The following RIN3 variants were observed in gnomAD, a reference collection of about 807,000 sequenced individuals.
RIN3 encodes Ras and Rab interactor 3, also known as RAB5 interacting protein 3.
Under a neutral mutation model 76.3 loss-of-function variants are expected in RIN3, and 54 were observed. That is an observed-to-expected ratio of 0.71 (90% CI 0.57 to 0.89). RIN3 has a LOEUF of 0.89. Ranked by LOEUF, RIN3 falls within the 40% of genes least tolerant of loss-of-function variation. The probability of loss-of-function intolerance (pLI) is 0.00; values close to 1 mark genes in which losing one functional copy is unlikely to be tolerated. For synonymous variants in RIN3, 576 were observed against 564.0 expected, an observed-to-expected ratio of 1.02 and a Z score of -0.30; for missense variants, 1,256 against 1,322.1, an observed-to-expected ratio of 0.95 and a Z score of 0.78.
chr14:92,638,532 A>C (rs901135090), intron 4 of RIN3, among the ~76,000 whole-genome samples: 25 of 152,196 alleles, frequency 1.6e-4, no homozygotes, highest in Admixed American at 1.3e-4. Flanking sequence ...GTGGGCACAG[A>C]TGAGCTGAGC....
At chr14:92,657,482 T>A (rs1887714518) in intron 6 of RIN3, among the ~76,000 whole-genome samples, 1 of 152,156 alleles carries the variant, frequency 6.6e-6, no homozygotes, top group Admixed American at 6.5e-5. Context: ...GTGAGGCTGC[T>A]GAGGGCCCCA....
In RIN3 at chr14:92,651,726, C is replaced by T. The variant is rs201944996; in HGVS notation, c.677C>T (p.Ser226Leu). The change falls in exon 6 of 10, where the codon TCG becomes TTG. Residue 226 changes from serine to leucine, a missense_variant. Around this residue, in one of 3 missense-constraint regions of RIN3, gnomAD observed 610 missense variants for 626.4 expected, o/e 0.97. Coordinates refer to ENST00000216487, the MANE Select transcript of RIN3 (RefSeq NM_024832.5). ...DANCACEIEL[S>L]VGNDRLWFVN... Reference sequence around the variant, plus strand: ...AACTGTGCCTGTGAAATCGAGCTGTCGGTAGGAAATGACCGCCTGTGGTTT... The same window carrying T: ...AACTGTGCCTGTGAAATCGAGCTGTTGGTAGGAAATGACCGCCTGTGGTTT... 3.5e-5 allele frequency: 56 copies of T among 1,613,990 alleles called. No homozygotes were observed. The highest frequency in any genetic ancestry group is 4.1e-5 in the Non-Finnish European group (48 of 1,180,016).
intron 9 of RIN3, 27 bp from the exon 10 acceptor site, chr14:92,687,899 G>T (rs766744519): frequency 3.3e-6 from 5 of 1,515,720 alleles, no homozygotes; most frequent in Non-Finnish European, 4.4e-6. Context: ...GCCCCGCCGT[G>T]ACCACAGGCC....
rs574142327 is a variant in RIN3 at position 92,599,287 on chromosome 14, A to C, written c.368-16120A>C. On this transcript the variant is annotated intron_variant, in intron 3 of 9. Transcript: ENST00000216487. The stretch of plus-strand genomic sequence containing the variant: ...AGTTCAGGGGAGGTTGCCGAGGATG[A>C]AGACCAGAGGAAGCTCCATGGCAGC... Among the ~76,000 whole-genome samples the C allele has an allele frequency of 6.2e-4, 95 of 152,248 alleles. 1 individual carries two copies. The highest frequency in any genetic ancestry group is 1.3e-3 in the Non-Finnish European group (88 of 68,008).
intron 7 of RIN3, among the ~76,000 whole-genome samples, chr14:92,674,093 C>G (rs1888379497): frequency 6.6e-6 from 1 of 152,212 alleles, no homozygotes; most frequent in African/African-American, 2.4e-5. Flanking sequence ...TGCTATGGCT[C>G]TGACCACCTG....
rs145732969 is a variant in RIN3, at chr14:92,584,019, G to A, written c.367+6542G>A. Among the ~76,000 whole-genome samples, 844 of 152,278 alleles carry A rather than the reference G, an allele frequency of 5.5e-3. 7 individuals are homozygous for A. The highest frequency in any genetic ancestry group is 0.017 in the African/African-American group (716 of 41,546). Reference sequence around the variant, plus strand: ...ATGCTTACCCCCTGCTGTGCGCCCCGGTTCCTACCAGTTCCCTGGCCCAGG... The same window carrying A: ...ATGCTTACCCCCTGCTGTGCGCCCCAGTTCCTACCAGTTCCCTGGCCCAGG... On this transcript the variant is annotated intron_variant, in intron 3 of 9. Transcript: ENST00000216487.
intron 1 of RIN3, chr14:92,515,021 G>T (rs1284777713): frequency 8.4e-6 from 4 of 476,006 alleles, no homozygotes; most frequent in African/African-American, 6.0e-5. Context: ...AAACAGGAGA[G>T]TTGGGCCCAT....
chr14:92,524,126 C>A (rs1896665811), intron 1 of RIN3, among the ~76,000 whole-genome samples: 1 of 152,144 alleles, frequency 6.6e-6, no homozygotes, highest in South Asian at 2.1e-4. Flanking sequence ...CCCTGGAGTT[C>A]AAGGTTACAG....
chr14:92,643,157 G>A lies in RIN3; in HGVS notation c.532+1828G>A, dbSNP rs946411715. Among the ~76,000 whole-genome samples the A allele has an allele frequency of 2.0e-5, 3 of 152,026 alleles. No individual in the cohort carries two copies. The highest frequency in any genetic ancestry group is 1.3e-4 in the Admixed American group (2 of 15,270). On this transcript the variant is annotated intron_variant, in intron 5 of 9. Transcript: ENST00000216487. This position sits in a 1 kb window ranked among gnomAD's most constrained non-coding sequence, Gnocchi z 4.8. The stretch of plus-strand genomic sequence containing the variant: ...CAACCTCCACCTCCCAGGTTCAAGC[G>A]ATTCTTCTGCCTCAGCCTCCCGAGT...
At chr14:92,592,400 C>CA (rs35193465) in intron 3 of RIN3, among the ~76,000 whole-genome samples, 14,445 of 75,650 alleles carry the variant, frequency 0.19, 1,118 homozygotes, top group East Asian at 0.5. Context: ...GACTCTGTCT[C>CA]AAAAAAAAAA....
chr14:92,628,716 A>G (rs2140117458), intron 4 of RIN3, among the ~76,000 whole-genome samples: 1 of 152,336 alleles, frequency 6.6e-6, no homozygotes, highest in South Asian at 2.1e-4. Flanking sequence ...TAAGAAAAGA[A>G]GGTTTAAGTC....
chr14:92,592,268 T>A (rs1467367510), intron 3 of RIN3, among the ~76,000 whole-genome samples: 1 of 151,710 alleles, frequency 6.6e-6, no homozygotes, highest in Non-Finnish European at 1.5e-5. Context: ...CTGGGCCTGG[T>A]GGTTTGCCTG....
At chr14:92,614,341 C>T (rs1284291487) in intron 3 of RIN3, among the ~76,000 whole-genome samples, 1 of 152,188 alleles carries the variant, frequency 6.6e-6, no homozygotes, top group Non-Finnish European at 1.5e-5. Context: ...TGGGCAACAC[C>T]CTTCCTCCTG....
At position 92,620,854 on chromosome 14, in the gene RIN3, A is replaced by G. The variant is rs150637763; in HGVS notation, c.440+5375A>G. 5.6e-3 allele frequency among the ~76,000 whole-genome samples: 858 copies of G among 152,356 alleles called. 5 individuals carry two copies. Among genetic ancestry groups the G allele is most frequent in the African/African-American group, 0.019 (797 of 41,574 alleles). The stretch of plus-strand genomic sequence containing the variant: ...TATTTTCATACAGCCTGTGCAATTA[A>G]GAAATTGACTTTAGGCACATGGCCA... On this transcript the variant is annotated intron_variant, in intron 4 of 9. Transcript: ENST00000216487.
At chr14:92,528,311 T>A (rs1041957737) in intron 1 of RIN3, among the ~76,000 whole-genome samples, 1 of 152,028 alleles carries the variant, frequency 6.6e-6, no homozygotes, top group Non-Finnish European at 1.5e-5. Context: ...GGACATTGAG[T>A]GGTAGAACAG....
intron 2 of RIN3, among the ~76,000 whole-genome samples, chr14:92,577,046 G>C (rs1352196584): frequency 6.6e-6 from 1 of 152,110 alleles, no homozygotes; most frequent in Non-Finnish European, 1.5e-5. Flanking sequence ...CTCAGTGGGT[G>C]GGGGCATAGG....
At chr14:92,534,283 A>G (rs1229141949) in intron 1 of RIN3, among the ~76,000 whole-genome samples, 1 of 144,048 alleles carries the variant, frequency 6.9e-6, no homozygotes, top group Non-Finnish European at 1.5e-5. Context: ...ACTTAGGCTC[A>G]TAGAAAGTAA....
intron 3 of RIN3, among the ~76,000 whole-genome samples, chr14:92,614,570 G>A (rs1018189812): frequency 1.3e-5 from 2 of 151,942 alleles, no homozygotes; most frequent in African/African-American, 2.4e-5. Context: ...TAATTCCCAC[G>A]AGTTGTGGGA....
At chr14:92,525,406 C>T (rs1295801214) in intron 1 of RIN3, among the ~76,000 whole-genome samples, 1 of 152,086 alleles carries the variant, frequency 6.6e-6, no homozygotes, top group Non-Finnish European at 1.5e-5. Context: ...CAGAATGCTC[C>T]ACCAAGAACA....
Sources: gnomAD v4.1 joint callset for allele counts (sites outside exome capture counted in the v4.1 genomes callset) on GRCh38, gnomAD v4.1.1 for gene constraint, gnomAD v4.1.1 regional missense constraint, Gnocchi (gnomAD v3.1) non-coding constraint, MANE v1.5 for transcripts, NCBI Gene and HGNC (gene_info 2026-07-23, HGNC 2026-07-21) for gene names.